SPATA21: variants seen among roughly 807,000 people sequenced by gnomAD.
SPATA21 encodes spermatogenesis-associated protein 21.
Under a neutral mutation model 54.8 loss-of-function variants are expected in SPATA21, and 47 were observed. The ratio of observed to expected loss-of-function variants is 0.86; its 90% CI spans 0.68 to 1.09. SPATA21 has a LOEUF of 1.09. SPATA21 is among the 50% of genes least tolerant of loss of function. The probability of loss-of-function intolerance (pLI) is 0.00; values close to 1 mark genes in which losing one functional copy is unlikely to be tolerated. For missense variants in SPATA21, 599 were observed against 596.4 expected, an observed-to-expected ratio of 1.00 and a Z score of -0.05; for synonymous variants, 245 against 235.3, an observed-to-expected ratio of 1.04 and a Z score of -0.38.
At chr1:16,426,579 A>ATATATATATATATT (rs1401259793) in intron 3 of SPATA21, among the ~76,000 whole-genome samples, 30 of 107,154 alleles carry the variant, frequency 2.8e-4, no homozygotes, top group East Asian at 2.4e-3. Context: ...ATATATATAT[A>ATATATATATATATT]TTTTTTTTTT....
rs373558720 is a variant in SPATA21 at position 16,404,992 on chromosome 1, G to A, written c.786C>T (p.Asp262=). 456 of 1,604,814 alleles carry A rather than the reference G, an allele frequency of 2.8e-4. No individual in the cohort carries two copies. The highest frequency in any genetic ancestry group is 3.6e-4 in the Non-Finnish European group (418 of 1,177,446). ...GFSVTLAQVE[D]ALMSADVNGD... ...CATTGACATCAGCACTCATCAGGGC[G>A]TCCTCCACCTGGGCCAGCGTCACAG... The change falls in exon 8 of 13, where the codon GAC becomes GAT. Residue 262 remains aspartate (D), a synonymous_variant. Coordinates refer to ENST00000335496, the MANE Select transcript of SPATA21 (RefSeq NM_198546.1).
chr1:16,429,549 ACCGCAACCTCCACCTC>A (rs1441509247), intron 3 of SPATA21, among the ~76,000 whole-genome samples: 1 of 152,018 alleles, frequency 6.6e-6, no homozygotes, highest in Non-Finnish European at 1.5e-5. Context: ...ATCTCCGCTC[ACCGCAACCTCCACCTC>A]CCAGGTTCAA....
chr1:16,423,615 C>T (rs945800601), intron 3 of SPATA21, among the ~76,000 whole-genome samples: 4 of 141,906 alleles, frequency 2.8e-5, no homozygotes, highest in African/African-American at 1.1e-4. Flanking sequence ...ATGATCTCAG[C>T]TCACTGCAAC....
intron 7 of SPATA21, among the ~76,000 whole-genome samples, chr1:16,405,493 G>GAAAAAA (rs538611012): frequency 1.2e-5 from 1 of 81,326 alleles, no homozygotes; most frequent in Admixed American, 1.5e-4. Flanking sequence ...AAATAAAAAT[G>GAAAAAA]AAAAAAAAAA....
chr1:16,424,310 CAA>C (rs779826467), intron 3 of SPATA21, among the ~76,000 whole-genome samples: 9 of 107,542 alleles, frequency 8.4e-5, no homozygotes, highest in Admixed American at 1.0e-4. Context: ...AAGACTGTCT[CAA>C]AAAAAAAAAA....
At position 16,409,716 on chromosome 1, in the gene SPATA21, C is replaced by G. The variant is rs1342952972; in HGVS notation, c.472G>C (p.Val158Leu). 2 of 1,612,502 alleles carry G rather than the reference C, an allele frequency of 1.2e-6. No individual in the cohort carries two copies. The highest frequency in any genetic ancestry group is 2.2e-5 in the South Asian group (2 of 90,964). The stretch of plus-strand genomic sequence containing the variant: ...ACAGGGCAAGGCATGGAGGTGGGGA[C>G]CGGGGCTCCCATGGGGGCAGGTTCT... ...GPEPAPMGAP[V>L]PTSMPCPVLL... The change falls in exon 6 of 13, where the codon GTC becomes CTC. Residue 158 changes from valine to leucine, a missense_variant. Coordinates refer to ENST00000335496, the MANE Select transcript of SPATA21 (RefSeq NM_198546.1). The surrounding 1 kb of genome is among the most constrained non-coding windows in gnomAD (Gnocchi z 4.1).
At chr1:16,423,173 A>C (rs2086218916) in intron 3 of SPATA21, among the ~76,000 whole-genome samples, 2 of 145,420 alleles carry the variant, frequency 1.4e-5, no homozygotes, top group Non-Finnish European at 3.0e-5. Context: ...AAAAATAATA[A>C]AGGCCTAAGT....
At chr1:16,422,625 C>T (rs2086203832) in intron 3 of SPATA21, among the ~76,000 whole-genome samples, 1 of 151,946 alleles carries the variant, frequency 6.6e-6, no homozygotes, top group African/African-American at 2.4e-5. Context: ...CCTGCTTCAG[C>T]CTCCCAAGTA....
chr1:16,411,715 A>G (rs1285898299), intron 5 of SPATA21, among the ~76,000 whole-genome samples: 2 of 149,026 alleles, frequency 1.3e-5, no homozygotes, highest in East Asian at 2.0e-4. Context: ...GCATGAACCC[A>G]GGAGGCAGAG....
chr1:16,421,459 T>C lies in SPATA21; in HGVS notation c.144+50A>G. The C allele has an allele frequency of 6.4e-7, 1 of 1,554,584 alleles. No homozygotes were observed. The highest frequency in any genetic ancestry group is 8.7e-7 in the Non-Finnish European group (1 of 1,145,304). ...CCCTCTTCCTCCTCCTGATCCCCCCTGCCTTTCTCCTACACAGCTCGTCCC... is the reference window on the plus strand; with the variant it reads ...CCCTCTTCCTCCTCCTGATCCCCCCCGCCTTTCTCCTACACAGCTCGTCCC... On this transcript the variant is annotated intron_variant, in intron 5 of 12. Coordinates refer to ENST00000335496, the MANE Select transcript of SPATA21 (RefSeq NM_198546.1). This position sits in a 1 kb window ranked among gnomAD's most constrained non-coding sequence, Gnocchi z 5.2.
chr1:16,398,692 G>A lies in SPATA21; in HGVS notation c.*73C>T. 3 of 1,555,482 alleles carry A rather than the reference G, an allele frequency of 1.9e-6. No homozygotes were observed. Among genetic ancestry groups the A allele is most frequent in the Non-Finnish European group, 2.7e-6 (3 of 1,128,868 alleles). On this transcript the variant is annotated 3_prime_UTR_variant, in exon 13 of 13. Coordinates refer to ENST00000335496, the MANE Select transcript of SPATA21 (RefSeq NM_198546.1). ...CACCAGGCCACAAAAGCAAATCCCAGCAGCAGCTCCTGCCTGGTGGCCCAT... is the reference window on the plus strand; with the variant it reads ...CACCAGGCCACAAAAGCAAATCCCAACAGCAGCTCCTGCCTGGTGGCCCAT...
chr1:16,426,510 CAA>C (rs2086322250), intron 3 of SPATA21, among the ~76,000 whole-genome samples: 3 of 147,540 alleles, frequency 2.0e-5, no homozygotes, highest in Admixed American at 6.9e-5. Context: ...CCGCCAACCT[CAA>C]CTTCCCAAAG....
At chr1:16,423,668 C>T (rs1169397073) in intron 3 of SPATA21, among the ~76,000 whole-genome samples, 5 of 150,788 alleles carry the variant, frequency 3.3e-5, no homozygotes, top group East Asian at 2.0e-4. Context: ...CTCAGCCTCC[C>T]GAGTAGCTGG....
chr1:16,421,505 T>A lies in SPATA21; in HGVS notation c.144+4A>T. 2 of 1,613,258 alleles carry A rather than the reference T, an allele frequency of 1.2e-6. No homozygotes were observed. Among genetic ancestry groups the A allele is most frequent in the Non-Finnish European group, 1.7e-6 (2 of 1,179,668 alleles). ...GTCCCCGTTCCCCCTATGGCCCTACTTACTGGTGGAGGAAGAGGCCCCGGT... is the reference window on the plus strand; with the variant it reads ...GTCCCCGTTCCCCCTATGGCCCTACATACTGGTGGAGGAAGAGGCCCCGGT... On this transcript the variant is annotated splice_donor_region_variant and intron_variant, in intron 5 of 12. Coordinates refer to ENST00000335496, the MANE Select transcript of SPATA21 (RefSeq NM_198546.1). The surrounding 1 kb of genome is among the most constrained non-coding windows in gnomAD (Gnocchi z 5.2).
At chr1:16,426,944 C>A (rs753860941) in intron 3 of SPATA21, among the ~76,000 whole-genome samples, 1 of 152,060 alleles carries the variant, frequency 6.6e-6, no homozygotes, top group African/African-American at 2.4e-5. Context: ...CCTTCAGAAA[C>A]ATGCTTTATA....
In SPATA21 at chr1:16,405,036, G is replaced by C; in HGVS notation, c.742C>G (p.Leu248Val). The C allele has an allele frequency of 6.2e-7, 1 of 1,610,202 alleles. No individual in the cohort carries two copies. Among genetic ancestry groups the C allele is most frequent in the Non-Finnish European group, 8.5e-7 (1 of 1,178,808 alleles). ...EVDAQSLKNILLLMGFSVTLA... is the reference protein window; with the variant it reads ...EVDAQSLKNIVLLMGFSVTLA... The stretch of plus-strand genomic sequence containing the variant: ...GTCACAGAGAAGCCCATTAGGAGCA[G>C]GATATTCTTCAGGCTCTGTGCATCC... Residue 248 changes from leucine (L) to valine (V), a missense_variant, in exon 8 of 13, where the codon CTG becomes GTG. Coordinates refer to ENST00000335496, the MANE Select transcript of SPATA21 (RefSeq NM_198546.1).
chr1:16,401,891 A>G lies in SPATA21; in HGVS notation c.1002-999T>C, dbSNP rs555575957. Among the ~76,000 whole-genome samples the G allele has an allele frequency of 1.6e-3, 248 of 152,254 alleles. 2 individuals are homozygous for G. Among genetic ancestry groups the G allele is most frequent in the African/African-American group, 5.8e-3 (239 of 41,546 alleles). On this transcript the variant is annotated intron_variant, in intron 10 of 12. Transcript: ENST00000335496. ...TTTAGTAAGTATTCACTGAATGTTC[A>G]CTGTGTCCTGGCCACTCTTCTAAGT...
chr1:16,410,841 C>T (rs1315448123), intron 5 of SPATA21: 1 of 401,454 alleles, frequency 2.5e-6, no homozygotes, highest in South Asian at 1.8e-5. Context: ...CCACCGCGCC[C>T]GGCTGAGCCA....
rs2085744695 is a variant in SPATA21, at chr1:16,409,104, C to T, written c.673+14G>A. 1 of 1,613,838 alleles carries T rather than the reference C, an allele frequency of 6.2e-7. No individual in the cohort carries two copies. ...CTGCCTGTGCTGGGACCTCCCTGAC[C>T]TCCCTGCCCTCACCTTCCTCTTGCT... On this transcript the variant is annotated intron_variant, in intron 7 of 12. Coordinates refer to ENST00000335496, the MANE Select transcript of SPATA21 (RefSeq NM_198546.1). The surrounding 1 kb of genome is among the most constrained non-coding windows in gnomAD (Gnocchi z 4.1).
Sources: gnomAD v4.1 joint callset for allele counts (sites outside exome capture counted in the v4.1 genomes callset) on GRCh38, gnomAD v4.1.1 for gene constraint, Gnocchi (gnomAD v3.1) non-coding constraint, MANE v1.5 for transcripts, NCBI Gene and HGNC (gene_info 2026-07-23, HGNC 2026-07-21) for gene names.